The following ROBO2 variants were observed in gnomAD, a reference collection of about 807,000 sequenced individuals.
The protein encoded by ROBO2 is roundabout homolog 2.
ROBO2 carries 53 observed loss-of-function variants against 160.8 expected under a neutral mutation model. The observed-to-expected ratio is 0.33, with a 90% CI of 0.26 to 0.41. ROBO2 has a LOEUF of 0.41. Ranked by LOEUF, ROBO2 falls within the 10% of genes least tolerant of loss-of-function variation. ROBO2 has a pLI of 1.00. For missense variants in ROBO2, 1,577 were observed against 1,722.4 expected (o/e 0.92, Z 1.49); for synonymous variants, 664 against 611.7 (o/e 1.09, Z -1.26).
At chr3:77,499,494 G>A (rs1056300025) in intron 5 of ROBO2, among the ~76,000 whole-genome samples, 3 of 151,788 alleles carry the variant, frequency 2.0e-5, no homozygotes, top group South Asian at 2.1e-4. Flanking sequence ...CTGATTGGTG[G>A]CATTTATTAA....
intron 23 of ROBO2, chr3:77,632,631 G>C: frequency 1.3e-6 from 2 of 1,535,334 alleles, no homozygotes; most frequent in South Asian, 2.4e-5. Flanking sequence ...GTTTTAGGCT[G>C]GATGGAACCA....
intron 4 of ROBO2, among the ~76,000 whole-genome samples, chr3:77,482,018 C>T (rs2084756109): frequency 6.6e-6 from 1 of 152,126 alleles, no homozygotes; most frequent in Non-Finnish European, 1.5e-5. Context: ...TTTTAGAATA[C>T]ATTCTATTTA....
intron 2 of ROBO2, among the ~76,000 whole-genome samples, chr3:77,228,210 A>G (rs2086723345): frequency 6.6e-6 from 1 of 152,050 alleles, no homozygotes; most frequent in Non-Finnish European, 1.5e-5. Flanking sequence ...TGTATCACCC[A>G]GGCTGGAGTG....
intron 2 of ROBO2, among the ~76,000 whole-genome samples, chr3:76,125,703 G>A (rs2070948562): frequency 6.6e-6 from 1 of 151,928 alleles, no homozygotes; most frequent in Middle Eastern, 3.4e-3. Flanking sequence ...GGTCTTTCTG[G>A]GCCCCATACC....
intron 2 of ROBO2, among the ~76,000 whole-genome samples, chr3:76,621,458 T>C (rs1012166046): frequency 5.9e-5 from 9 of 152,362 alleles, no homozygotes; most frequent in Middle Eastern, 3.4e-3. Flanking sequence ...AAGCCAAGAA[T>C]GGTGAATAGC....
At chr3:75,936,627 A>G (rs1463410284) in intron 1 of ROBO2, among the ~76,000 whole-genome samples, 1 of 152,108 alleles carries the variant, frequency 6.6e-6, no homozygotes, top group Non-Finnish European at 1.5e-5. Flanking sequence ...TGAACTTATC[A>G]TTATTCAATT....
intron 2 of ROBO2, among the ~76,000 whole-genome samples, chr3:77,468,017 A>G (rs1398342300): frequency 6.6e-6 from 1 of 152,216 alleles, no homozygotes; most frequent in East Asian, 1.9e-4. Flanking sequence ...TCCTCCTCAC[A>G]TGCTATGTTT....
chr3:76,146,646 T>A (rs2071900677), intron 2 of ROBO2, among the ~76,000 whole-genome samples: 1 of 151,134 alleles, frequency 6.6e-6, no homozygotes, highest in African/African-American at 2.4e-5. Flanking sequence ...GGAGTAATAT[T>A]CCATTATATT....
intron 2 of ROBO2, among the ~76,000 whole-genome samples, chr3:76,177,532 G>T (rs546306983): frequency 6.6e-6 from 1 of 152,228 alleles, no homozygotes; most frequent in South Asian, 2.1e-4. Flanking sequence ...TAGAAAATAC[G>T]AGGCTTGATC....
chr3:77,621,553 C>T (rs2094901046), intron 22 of ROBO2, among the ~76,000 whole-genome samples: 2 of 152,088 alleles, frequency 1.3e-5, no homozygotes, highest in Admixed American at 1.3e-4. Context: ...ACTAGTGTTC[C>T]AAACACAGAG....
chr3:76,436,556 T>G (rs1302139309), intron 2 of ROBO2, among the ~76,000 whole-genome samples: 1 of 148,048 alleles, frequency 6.8e-6, no homozygotes, highest in Admixed American at 6.8e-5. Flanking sequence ...AATAGGCAAC[T>G]TTTTTTTTTG....
At chr3:77,007,818 G>A (rs1215576188) in intron 2 of ROBO2, among the ~76,000 whole-genome samples, 1 of 151,984 alleles carries the variant, frequency 6.6e-6, no homozygotes, top group Admixed American at 6.6e-5. Flanking sequence ...TTGGGTCTGA[G>A]TATGAATGCT....
At chr3:76,680,925 C>T (rs1350510025) in intron 2 of ROBO2, among the ~76,000 whole-genome samples, 2 of 151,964 alleles carry the variant, frequency 1.3e-5, no homozygotes, top group Admixed American at 1.3e-4. Flanking sequence ...TACCGGGATG[C>T]ACCATCACGC....
At chr3:75,993,500 C>T (rs1241758369) in intron 2 of ROBO2, among the ~76,000 whole-genome samples, 2 of 152,156 alleles carry the variant, frequency 1.3e-5, no homozygotes, top group Non-Finnish European at 2.9e-5. Context: ...TTTTTCTTCC[C>T]AGTCTCAGGT....
At chr3:76,090,423 C>CAAAACA (rs367626610) in intron 2 of ROBO2, among the ~76,000 whole-genome samples, 52 of 151,808 alleles carry the variant, frequency 3.4e-4, no homozygotes, top group African/African-American at 8.7e-4. Context: ...GAGATCCTGT[C>CAAAACA]AAAACAAAAA....
intron 2 of ROBO2, among the ~76,000 whole-genome samples, chr3:77,459,424 C>A (rs908185859): frequency 6.6e-6 from 1 of 152,166 alleles, no homozygotes; most frequent in Non-Finnish European, 1.5e-5. Flanking sequence ...ATTCAATGAA[C>A]ATTTATTGCG....
intron 2 of ROBO2, among the ~76,000 whole-genome samples, chr3:77,271,326 C>CTG (rs1560393236): frequency 6.6e-6 from 1 of 152,194 alleles, no homozygotes; most frequent in Non-Finnish European, 1.5e-5. Flanking sequence ...TCTCCAGAAA[C>CTG]AGACGGAAAG....
intron 2 of ROBO2, among the ~76,000 whole-genome samples, chr3:76,682,835 A>G (rs1319593884): frequency 6.6e-6 from 1 of 152,198 alleles, no homozygotes; most frequent in East Asian, 1.9e-4. Flanking sequence ...TCCATTATTC[A>G]CGTGTTAGGT....
intron 2 of ROBO2, among the ~76,000 whole-genome samples, chr3:77,421,733 T>C (rs2153532802): frequency 6.6e-6 from 1 of 152,182 alleles, no homozygotes; most frequent in Admixed American, 6.6e-5. Flanking sequence ...GGGAAAATGA[T>C]AAGCAGATAG....
Sources: allele counts gnomAD v4.1 joint callset (sites outside exome capture counted in the v4.1 genomes callset), GRCh38; gene constraint gnomAD v4.1.1; transcripts MANE v1.5; gene names NCBI Gene and HGNC (gene_info 2026-07-23, HGNC 2026-07-21).